The following CSMD2 variants were observed in gnomAD, a reference collection of about 807,000 sequenced individuals.
CSMD2 encodes the protein CUB and sushi domain-containing protein 2.
In CSMD2, 130 loss-of-function variants were observed where a neutral mutation model predicts 398.5. That is an observed-to-expected ratio of 0.33 (90% CI 0.28 to 0.38). CSMD2 has a LOEUF of 0.38. CSMD2 is among the 10% of genes least tolerant of loss of function. The pLI is 1.00. For missense variants in CSMD2, 3,829 were observed against 4,764.9 expected, an observed-to-expected ratio of 0.80 and a Z score of 5.78; for synonymous variants, 1,828 against 1,908.5, an observed-to-expected ratio of 0.96 and a Z score of 1.10.
At chr1:33,989,965 C>T (rs1309509069) in intron 3 of CSMD2, among the ~76,000 whole-genome samples, 1 of 152,052 alleles carries the variant, frequency 6.6e-6, no homozygotes, top group Non-Finnish European at 1.5e-5. Context: ...ACTGTACACT[C>T]CAAAATGGTG....
rs190015905 is a variant in CSMD2 at position 33,914,480 on chromosome 1, G to C, written c.920+3614C>G. 2.8e-4 allele frequency among the ~76,000 whole-genome samples: 43 copies of C among 152,164 alleles called. No homozygotes were observed. In the East Asian group the frequency reaches 7.2e-3, roughly 25 times the overall value. Reference sequence around the variant, plus strand: ...CAGGGTGTAATACCAATTCTTCTCTGTGGGTTGTAACCCTCAGTCAGTCCA... The same window carrying C: ...CAGGGTGTAATACCAATTCTTCTCTCTGGGTTGTAACCCTCAGTCAGTCCA... On this transcript the variant is annotated intron_variant, in intron 5 of 70. Transcript: ENST00000373381.
intron 3 of CSMD2, among the ~76,000 whole-genome samples, chr1:34,011,176 C>T (rs1210949525): frequency 6.6e-6 from 1 of 152,170 alleles, no homozygotes; most frequent in Non-Finnish European, 1.5e-5. Flanking sequence ...GCTGCCTGTG[C>T]TCATGAGTGA....
intron 4 of CSMD2, among the ~76,000 whole-genome samples, chr1:33,924,675 C>T (rs75494870): frequency 2.0e-5 from 3 of 152,096 alleles, no homozygotes; most frequent in Non-Finnish European, 4.4e-5. Flanking sequence ...TAAGAGCTCC[C>T]TTTTCTCCAT....
intron 6 of CSMD2, among the ~76,000 whole-genome samples, chr1:33,832,157 T>C (rs7366520): frequency 0.76 from 90,198 of 119,240 alleles, 35,113 homozygotes; most frequent in East Asian, 0.93. Context: ...CTGCACCAAG[T>C]GGACCTAATA....
chr1:33,920,542 CAAAAAAAAAAAA>C (rs58865984), intron 4 of CSMD2, among the ~76,000 whole-genome samples: 7 of 84,244 alleles, frequency 8.3e-5, no homozygotes, highest in East Asian at 8.1e-4. Context: ...CAATCTGTCT[CAAAAAAAAAAAA>C]AAAAAAAAAA....
chr1:33,538,967 G>A (rs1359563551), intron 60 of CSMD2, among the ~76,000 whole-genome samples: 2 of 152,066 alleles, frequency 1.3e-5, no homozygotes, highest in African/African-American at 2.4e-5. Context: ...CAGGAGTAAA[G>A]AAAGGCATTT....
chr1:33,926,722 C>T (rs1048958939), intron 4 of CSMD2, among the ~76,000 whole-genome samples: 2 of 152,214 alleles, frequency 1.3e-5, no homozygotes, highest in African/African-American at 4.8e-5. Flanking sequence ...TTTTGCACCA[C>T]CATTAAGTCA....
At chr1:33,864,661 T>C (rs768552190) in intron 5 of CSMD2, 25 of 1,613,748 alleles carry the variant, frequency 1.5e-5, no homozygotes, top group Non-Finnish European at 2.0e-5. Flanking sequence ...TTCGAGGAAC[T>C]TGAACTCTAC....
chr1:34,161,509 C>T (rs1449330487), intron 1 of CSMD2, among the ~76,000 whole-genome samples: 1 of 152,090 alleles, frequency 6.6e-6, no homozygotes, highest in East Asian at 1.9e-4. Flanking sequence ...AGAAGGAACA[C>T]GCAAGAGATA....
chr1:33,981,472 T>C (rs192777692), intron 3 of CSMD2, among the ~76,000 whole-genome samples: 6 of 152,352 alleles, frequency 3.9e-5, no homozygotes, highest in Non-Finnish European at 8.8e-5. Context: ...TAGCTTATAA[T>C]TGAGTATCTG....
chr1:33,627,668 A>C (rs879555499), intron 32 of CSMD2, among the ~76,000 whole-genome samples: 1 of 152,178 alleles, frequency 6.6e-6, no homozygotes, highest in Non-Finnish European at 1.5e-5. Context: ...TGTGTATGTG[A>C]CCCAGAAGGC....
At chr1:34,012,001 A>T (rs1250156600) in intron 3 of CSMD2, among the ~76,000 whole-genome samples, 3 of 152,194 alleles carry the variant, frequency 2.0e-5, no homozygotes, top group Non-Finnish European at 4.4e-5. Context: ...TGACAGTGAG[A>T]CTATAAACAT....
intron 1 of CSMD2, among the ~76,000 whole-genome samples, chr1:34,103,503 T>G (rs1464475292): frequency 6.6e-6 from 1 of 152,016 alleles, no homozygotes; most frequent in African/African-American, 2.4e-5. Context: ...TTTCACCGTG[T>G]TAGCCAGGAT....
At chr1:33,859,960 T>TA (rs1392478818) in intron 5 of CSMD2, among the ~76,000 whole-genome samples, 1 of 152,172 alleles carries the variant, frequency 6.6e-6, no homozygotes, top group Non-Finnish European at 1.5e-5. Context: ...GATTTTTCTT[T>TA]AAAAAAATGT....
At chr1:33,965,843 G>T (rs778725283) in intron 3 of CSMD2, among the ~76,000 whole-genome samples, 16 of 152,182 alleles carry the variant, frequency 1.1e-4, no homozygotes, top group Non-Finnish European at 1.8e-4. Flanking sequence ...CCCTGAATGC[G>T]GATAGCCACA....
At chr1:34,014,043 G>A (rs1647739359) in intron 3 of CSMD2, among the ~76,000 whole-genome samples, 1 of 152,076 alleles carries the variant, frequency 6.6e-6, no homozygotes, top group African/African-American at 2.4e-5. Context: ...CCAAACCCTG[G>A]GAGCTAACCT....
At chr1:33,979,457 C>A (rs1164230119) in intron 3 of CSMD2, among the ~76,000 whole-genome samples, 1 of 152,202 alleles carries the variant, frequency 6.6e-6, no homozygotes, top group Non-Finnish European at 1.5e-5. Context: ...CTTCCTCCTA[C>A]TGTGGGTACC....
intron 21 of CSMD2, chr1:33,709,593 T>C: frequency 2.5e-6 from 1 of 398,830 alleles, no homozygotes; most frequent in Non-Finnish European, 4.4e-6. Flanking sequence ...ATTCATATAG[T>C]AGCGTAGCAA....
At chr1:33,536,084 G>A (rs887837405) in intron 62 of CSMD2, among the ~76,000 whole-genome samples, 2 of 152,144 alleles carry the variant, frequency 1.3e-5, no homozygotes, top group Non-Finnish European at 2.9e-5. Context: ...TGTGCCGAGT[G>A]AGTACAGACT....
Sources: gnomAD v4.1 joint callset for allele counts (sites outside exome capture counted in the v4.1 genomes callset) on GRCh38, gnomAD v4.1.1 for gene constraint, MANE v1.5 for transcripts, NCBI Gene and HGNC (gene_info 2026-07-23, HGNC 2026-07-21) for gene names.